Variants in BIRC6 observed in about 807,000 individuals in gnomAD.
The protein encoded by BIRC6 is dual E2 ubiquitin-conjugating enzyme/E3 ubiquitin-protein ligase BIRC6.
A neutral mutation model predicts 503.3 loss-of-function variants in BIRC6; 98 were observed. The ratio of observed to expected loss-of-function variants is 0.19; its 90% CI spans 0.17 to 0.23. The LOEUF is 0.23. Ranked by LOEUF, BIRC6 falls within the 10% of genes least tolerant of loss-of-function variation. The pLI, the probability that BIRC6 is intolerant of heterozygous loss-of-function variation, is 1.00. For synonymous variants in BIRC6, 2,240 were observed against 2,078.7 expected, an observed-to-expected ratio of 1.08 and a Z score of -2.11; for missense variants, 5,360 against 5,806.0, an observed-to-expected ratio of 0.92 and a Z score of 2.50.
chr2:32,374,269 C>G (rs1404363234), intron 1 of BIRC6, among the ~76,000 whole-genome samples: 2 of 151,910 alleles, frequency 1.3e-5, no homozygotes, highest in Non-Finnish European at 2.9e-5. Flanking sequence ...CTATTTTGTT[C>G]CATTGAGCTA....
At chr2:32,373,414 C>T (rs575148361) in intron 1 of BIRC6, among the ~76,000 whole-genome samples, 8 of 152,138 alleles carry the variant, frequency 5.3e-5, no homozygotes, top group Non-Finnish European at 7.4e-5. Context: ...AATATAGAGC[C>T]GAGAAATAAA....
chr2:32,377,261 T>C (rs541751533), intron 1 of BIRC6, among the ~76,000 whole-genome samples: 1 of 150,304 alleles, frequency 6.7e-6, no homozygotes, highest in East Asian at 1.9e-4. Flanking sequence ...ATACACATCA[T>C]ATTTTATTCT....
intron 65 of BIRC6, chr2:32,574,716 A>G (rs1401398107): frequency 1.4e-5 from 3 of 218,442 alleles, no homozygotes; most frequent in Non-Finnish European, 2.8e-5. Flanking sequence ...ATATAAGTGG[A>G]CTAGTGCAGT....
At chr2:32,611,772 C>T (rs1409108448) in intron 73 of BIRC6, among the ~76,000 whole-genome samples, 190 bp downstream of exon 73, 1 of 152,100 alleles carries the variant, frequency 6.6e-6, no homozygotes, top group African/African-American at 2.4e-5. Context: ...AGTAGATTGA[C>T]AGTTCCTAAA....
At chr2:32,586,262 C>A (rs922752431) in intron 66 of BIRC6, among the ~76,000 whole-genome samples, 14 of 148,718 alleles carry the variant, frequency 9.4e-5, no homozygotes, top group African/African-American at 3.0e-4. Flanking sequence ...AAAAAAAAAA[C>A]AACTTAAAAA....
intron 66 of BIRC6, among the ~76,000 whole-genome samples, chr2:32,577,596 C>G (rs2060349343): frequency 6.6e-6 from 1 of 151,990 alleles, no homozygotes; most frequent in Non-Finnish European, 1.5e-5. Context: ...GTATTGAATT[C>G]TAAGGTAATT....
At chr2:32,446,074 G>A (rs1400512111) in intron 21 of BIRC6, among the ~76,000 whole-genome samples, 1 of 151,872 alleles carries the variant, frequency 6.6e-6, no homozygotes, top group African/African-American at 2.4e-5. Flanking sequence ...CAGGCTGTTC[G>A]CAAACTCCCA....
Position 32,543,368 on chromosome 2 carries a change from C to G in BIRC6, c.12419C>G (p.Pro4140Arg), listed in dbSNP as rs747382550. ...YEAPETVAAE[P>R]PPIKSAVQTM... is the part of the protein sequence containing the mutation. ...GCACCAGAAACTGTTGCGGCTGAAC[C>G]TCCACCTATCAAGTCAGCAGTACAG... The change falls in exon 62 of 74, where the codon CCT (proline) becomes CGT (arginine). Residue 4140 changes from proline (P) to arginine (R), a missense_variant. Pro to Arg is a moderately radical substitution (Grantham distance 103, BLOSUM62 -2). Coordinates refer to ENST00000421745, the MANE Select transcript of BIRC6 (RefSeq NM_016252.4). 4 of 1,613,964 alleles carry G rather than the reference C, an allele frequency of 2.5e-6. No homozygotes were observed. Among genetic ancestry groups the G allele is most frequent in the East Asian group, 2.2e-5 (1 of 44,876 alleles).
At chr2:32,616,076 A>T (rs1034777424) in intron 73 of BIRC6, among the ~76,000 whole-genome samples, 3 of 152,220 alleles carry the variant, frequency 2.0e-5, no homozygotes, top group Non-Finnish European at 4.4e-5. Flanking sequence ...TGCAATATAG[A>T]GCAAAGCAAA....
intron 72 of BIRC6, among the ~76,000 whole-genome samples, chr2:32,608,756 C>T (rs915482646): frequency 1.3e-5 from 2 of 152,102 alleles, no homozygotes; most frequent in African/African-American, 4.8e-5. Flanking sequence ...CTAGCAAACT[C>T]TCTAAATATG....
At chr2:32,609,004 C>T (rs866982795) in intron 72 of BIRC6, among the ~76,000 whole-genome samples, 1 of 151,980 alleles carries the variant, frequency 6.6e-6, no homozygotes, top group Non-Finnish European at 1.5e-5. Flanking sequence ...CTCAGCCTCC[C>T]GAGTAGCTGG....
intron 26 of BIRC6, among the ~76,000 whole-genome samples, chr2:32,467,258 A>G (rs967676474): frequency 6.6e-6 from 1 of 152,100 alleles, no homozygotes; most frequent in African/African-American, 2.4e-5. Context: ...CAGGTCCCCC[A>G]GTAGCTGGGA....
At chr2:32,561,664 T>C (rs2059196159) in intron 65 of BIRC6, among the ~76,000 whole-genome samples, 1 of 151,248 alleles carries the variant, frequency 6.6e-6, no homozygotes, top group Non-Finnish European at 1.5e-5. Flanking sequence ...CCTAAAGTTT[T>C]TTTTAAAGTT....
chr2:32,618,516 A>G lies in BIRC6; in HGVS notation c.*612A>G, dbSNP rs1053057859. The G allele has an allele frequency of 2.6e-5, 4 of 152,612 alleles. No homozygotes were observed. Among genetic ancestry groups the G allele is most frequent in the African/African-American group, 7.2e-5 (3 of 41,472 alleles). 9.5% of individuals were successfully genotyped at this position (152,612 alleles called of 1,614,324 possible). ...GCACTTGTATGGATGAATTTATTAC[A>G]TTCAACATATTTAATTTTATGCCTT... On this transcript the variant is annotated 3_prime_UTR_variant, in exon 74 of 74. Coordinates refer to ENST00000421745, the MANE Select transcript of BIRC6 (RefSeq NM_016252.4).
rs1017801952 is a variant in BIRC6 at position 32,498,928 on chromosome 2, C to T, written c.8469-619C>T. On this transcript the variant is annotated intron_variant, in intron 45 of 73. Transcript: ENST00000421745. ...TGAGGTTTCACCATGTTGGCCAGGC[C>T]GGTCTTGAACTTCCTGGCGCCACAA... Among the ~76,000 whole-genome samples the T allele has an allele frequency of 1.1e-4, 16 of 152,216 alleles. No individual in the cohort carries two copies. In the South Asian group the frequency reaches 1.2e-3, roughly 12 times the overall value.
intron 65 of BIRC6, among the ~76,000 whole-genome samples, chr2:32,556,933 C>A (rs1442053754): frequency 2.3e-5 from 2 of 88,010 alleles, no homozygotes; most frequent in Non-Finnish European, 4.4e-5. Context: ...AGCAAGACTC[C>A]ATCTCAAAAA....
In BIRC6 at chr2:32,406,503, G is replaced by C; in HGVS notation, c.1423G>C (p.Asp475His). The stretch of plus-strand genomic sequence containing the variant: ...TACTTTGTTTTTTGATTTAAGTGAT[G>C]ATTTACTGGAGGATTCAGACAGTGA... ...DIPKLEGDSD[D>H]LLEDSDSEEH... is the part of the protein sequence containing the mutation. Residue 475 changes from aspartate to histidine, a missense_variant, in exon 9 of 74, where the codon GAT (aspartate) becomes CAT (histidine). Around this residue, in one of 16 missense-constraint regions of BIRC6, gnomAD observed 700 missense variants for 739.3 expected, o/e 0.95. Transcript: ENST00000421745. The C allele has an allele frequency of 6.2e-7, 1 of 1,607,380 alleles. No homozygotes were observed. The highest frequency in any genetic ancestry group is 2.2e-5 in the East Asian group (1 of 44,738).
At chr2:32,582,700 G>A (rs2060759315) in intron 66 of BIRC6, among the ~76,000 whole-genome samples, 1 of 152,140 alleles carries the variant, frequency 6.6e-6, no homozygotes, top group Non-Finnish European at 1.5e-5. Flanking sequence ...AGGTTGCGGT[G>A]AGCCAAGATC....
At chr2:32,575,104 C>T (rs2060175645) in intron 65 of BIRC6, 52 bp from the exon 66 acceptor site, 1 of 1,586,350 alleles carries the variant, frequency 6.3e-7, no homozygotes, top group Non-Finnish European at 8.7e-7. Flanking sequence ...TGTGGACCTA[C>T]TTTTATATTG....
Sources: gnomAD v4.1 joint callset for allele counts (sites outside exome capture counted in the v4.1 genomes callset) on GRCh38, gnomAD v4.1.1 for gene constraint, gnomAD v4.1.1 regional missense constraint, MANE v1.5 for transcripts, NCBI Gene and HGNC (gene_info 2026-07-23, HGNC 2026-07-21) for gene names.